The following PDE1A variants were observed in gnomAD, a reference collection of about 807,000 sequenced individuals.
The protein encoded by PDE1A is phosphodiesterase 1A.
In PDE1A, 35 loss-of-function variants were observed where a neutral mutation model predicts 61.7. The observed-to-expected ratio is 0.57, with a 90% CI of 0.43 to 0.75. The LOEUF is 0.75. Among genes scored for constraint, PDE1A ranks in the 30% least tolerant of loss-of-function variants. The pLI is 0.00. For synonymous variants in PDE1A, 232 were observed against 213.2 expected (o/e 1.09, Z -0.77); for missense variants, 597 against 630.6 (o/e 0.95, Z 0.57).
At chr2:182,209,557 C>A (rs575465148) in intron 7 of PDE1A, among the ~76,000 whole-genome samples, 1 of 151,570 alleles carries the variant, frequency 6.6e-6, no homozygotes, top group South Asian at 2.1e-4. Context: ...CCGCCCAAAT[C>A]TCATATTGAA....
chr2:182,186,364 T>C (rs1685204985), intron 12 of PDE1A, 104 bp downstream of exon 12: 1 of 1,361,126 alleles, frequency 7.3e-7, no homozygotes, highest in East Asian at 2.3e-5. Flanking sequence ...CCCTAATAAT[T>C]CTTGTGAGAA....
At chr2:182,353,101 C>T (rs930927819) in intron 1 of PDE1A, among the ~76,000 whole-genome samples, 19 of 152,088 alleles carry the variant, frequency 1.2e-4, no homozygotes, top group African/African-American at 4.6e-4. Context: ...GGAAAAGTCA[C>T]GTATGGATTT....
chr2:182,561,319 T>A, the PDE1A span, among the ~76,000 whole-genome samples: 1 of 152,134 alleles, frequency 6.6e-6, no homozygotes, highest in Admixed American at 6.6e-5. Context: ...GGGAATCCTT[T>A]CCCCATTGCT....
the PDE1A span, among the ~76,000 whole-genome samples, chr2:182,625,837 T>C: frequency 1.3e-5 from 2 of 152,182 alleles, no homozygotes; most frequent in Non-Finnish European, 2.9e-5. Flanking sequence ...TGATGTCTTC[T>C]AATAAAGACA....
At chr2:182,595,452 A>T in the PDE1A span, among the ~76,000 whole-genome samples, 2 of 152,230 alleles carry the variant, frequency 1.3e-5, no homozygotes, top group Non-Finnish European at 2.9e-5. Context: ...ATTAAAATCC[A>T]GAATTAACAT....
At chr2:182,366,513 ATTAAT>A (rs1193761383) in intron 1 of PDE1A, among the ~76,000 whole-genome samples, 1 of 152,058 alleles carries the variant, frequency 6.6e-6, no homozygotes, top group Non-Finnish European at 1.5e-5. Flanking sequence ...CCCCATCCTC[ATTAAT>A]TTAATAACCT....
At chr2:182,638,757 T>C in the PDE1A span, among the ~76,000 whole-genome samples, 1 of 152,120 alleles carries the variant, frequency 6.6e-6, no homozygotes, top group African/African-American at 2.4e-5. Context: ...AAAAGAAAAG[T>C]AAATGACAAG....
intron 1 of PDE1A, among the ~76,000 whole-genome samples, chr2:182,297,891 G>A (rs1304369970): frequency 1.3e-5 from 2 of 152,132 alleles, no homozygotes; most frequent in Non-Finnish European, 2.9e-5. Flanking sequence ...GCTGACCAGT[G>A]GTAACTTGCT....
intron 1 of PDE1A, among the ~76,000 whole-genome samples, chr2:182,299,605 T>G (rs1017598485): frequency 7.9e-5 from 12 of 151,492 alleles, no homozygotes; most frequent in Non-Finnish European, 1.2e-4. Flanking sequence ...AGTCAAATAC[T>G]ACAAATTTAA....
chr2:182,333,493 C>G (rs11687076), intron 1 of PDE1A, among the ~76,000 whole-genome samples: 1 of 151,814 alleles, frequency 6.6e-6, no homozygotes, highest in East Asian at 1.9e-4. Context: ...GGGTAAATAA[C>G]GAAATTAAGG....
chr2:182,350,024 G>A (rs1470935813), intron 1 of PDE1A, among the ~76,000 whole-genome samples: 2 of 151,952 alleles, frequency 1.3e-5, no homozygotes, highest in Non-Finnish European at 2.9e-5. Flanking sequence ...ATATTATCAG[G>A]ACACTGAAAG....
At chr2:182,185,799 A>G (rs922909738) in intron 13 of PDE1A, 93 bp downstream of exon 13, 4 of 1,580,340 alleles carry the variant, frequency 2.5e-6, no homozygotes, top group Non-Finnish European at 3.4e-6. Context: ...TACATATTCT[A>G]TAGAAGAAGA....
the PDE1A span, among the ~76,000 whole-genome samples, chr2:182,622,246 C>A: frequency 6.6e-6 from 1 of 152,144 alleles, no homozygotes; most frequent in African/African-American, 2.4e-5. Context: ...ATTAAACACA[C>A]GTGACAAGAT....
At chr2:182,577,977 GAA>G in the PDE1A span, among the ~76,000 whole-genome samples, 92 of 148,504 alleles carry the variant, frequency 6.2e-4, 1 homozygote, top group African/African-American at 2.2e-3. Context: ...AGGAAGGAAG[GAA>G]GGAAGGAAGG....
downstream of PDE1A, among the ~76,000 whole-genome samples, chr2:182,164,542 A>G (rs1691551083): frequency 6.6e-6 from 1 of 152,144 alleles, no homozygotes. Flanking sequence ...AAGATGACCC[A>G]TTCTGTGGAT....
At chr2:182,594,836 T>A in the PDE1A span, among the ~76,000 whole-genome samples, 1 of 152,206 alleles carries the variant, frequency 6.6e-6, no homozygotes, top group Admixed American at 6.5e-5. Context: ...GTCATAACAC[T>A]GGACCAGGTC....
At chr2:182,344,611 G>A (rs1473979912) in intron 1 of PDE1A, among the ~76,000 whole-genome samples, 1 of 152,114 alleles carries the variant, frequency 6.6e-6, no homozygotes, top group Non-Finnish European at 1.5e-5. Context: ...AGTACCAAAA[G>A]TGTATTTCTA....
At position 182,403,001 on chromosome 2, in the gene PDE1A, A is replaced by G. The variant is rs187283197; in HGVS notation, c.53+23577T>C. On this transcript the variant is annotated intron_variant, in intron 1 of 13. Coordinates refer to ENST00000351439, the Ensembl canonical transcript of PDE1A. Reference sequence around the variant, plus strand: ...CCATCTCACGCCAGTTAGAATGGCGACCATTAAAAAGTCAGGAAACAACAG... The same window carrying G: ...CCATCTCACGCCAGTTAGAATGGCGGCCATTAAAAAGTCAGGAAACAACAG... Among the ~76,000 whole-genome samples, 626 of 149,428 alleles carry G rather than the reference A, an allele frequency of 4.2e-3. 18 individuals carry two copies. The highest frequency in any genetic ancestry group is 0.016 in the African/African-American group (610 of 38,818).
At chr2:182,710,170 C>T in the PDE1A span, among the ~76,000 whole-genome samples, 2 of 152,222 alleles carry the variant, frequency 1.3e-5, no homozygotes, top group Non-Finnish European at 2.9e-5. Flanking sequence ...GCTGGGATTA[C>T]AGGCGTGAGC....
Sources: allele counts gnomAD v4.1 joint callset (sites outside exome capture counted in the v4.1 genomes callset), GRCh38; gene constraint gnomAD v4.1.1; transcripts MANE v1.5; gene names NCBI Gene and HGNC (gene_info 2026-07-23, HGNC 2026-07-21).